TTN: variants seen among roughly 807,000 people sequenced by gnomAD.
TTN encodes titin.
In TTN, 1,525 loss-of-function variants were observed where a neutral mutation model predicts 3,223.0. That is an observed-to-expected ratio of 0.47 (90% CI 0.45 to 0.49). The LOEUF is 0.49. Ranked by LOEUF, TTN falls within the 20% of genes least tolerant of loss-of-function variation. The pLI is 0.00. For synonymous variants in TTN, 14,094 were observed against 15,161.0 expected (o/e 0.93, Z 5.17); for missense variants, 40,786 against 43,424.0 (o/e 0.94, Z 5.40).
intron 4 of TTN, among the ~76,000 whole-genome samples, 160 bp from the exon 5 acceptor site, chr2:178,800,070 A>C (rs1561508219): frequency 1.3e-5 from 2 of 152,244 alleles, no homozygotes; most frequent in Admixed American, 6.5e-5. Context: ...AATTAGGTTT[A>C]AAAATAGAAA....
At position 178,735,497 on chromosome 2, in the gene TTN, C is replaced by G; in HGVS notation, c.14935+14G>C. On this transcript the variant is annotated intron_variant, in intron 50 of 362. Coordinates refer to ENST00000589042, the MANE Select transcript of TTN (RefSeq NM_001267550.2). ...CAGAGAAGGGACTAGAAAATACATT[C>G]ACACGTTTCTTACCTCTGACAGTGA... The G allele has an allele frequency of 6.5e-7, 1 of 1,540,836 alleles. No homozygotes were observed. Among genetic ancestry groups the G allele is most frequent in the Non-Finnish European group, 8.7e-7 (1 of 1,149,920 alleles).
At chr2:178,761,905 T>G (rs2089301229) in intron 43 of TTN, among the ~76,000 whole-genome samples, 1 of 152,252 alleles carries the variant, frequency 6.6e-6, no homozygotes, top group Non-Finnish European at 1.5e-5. Flanking sequence ...TGACTCATCA[T>G]CTGTAGAATA....
intron 157 of TTN, 131 bp from the exon 158 acceptor site, chr2:178,669,806 T>G: frequency 3.6e-6 from 3 of 834,878 alleles, no homozygotes; most frequent in Non-Finnish European, 5.8e-6. Context: ...ATAAGTCAAA[T>G]GTAGTCATTG....
At chr2:178,643,001 C>T (rs2061441358) in intron 218 of TTN, among the ~76,000 whole-genome samples, 1 of 151,988 alleles carries the variant, frequency 6.6e-6, no homozygotes, top group Admixed American at 6.6e-5. Context: ...CCTGTTGCGT[C>T]TACAGTGAAT....
intron 46 of TTN, chr2:178,753,388 T>G (rs2086115057): frequency 2.2e-6 from 1 of 447,076 alleles, no homozygotes; most frequent in Non-Finnish European, 4.0e-6. Flanking sequence ...AACATTTTTA[T>G]TTTAGGTTCT....
In TTN at chr2:178,545,605, A is replaced by G. The variant is rs955162209; in HGVS notation, c.95505T>C (p.Gly31835=). 2 of 1,613,734 alleles carry G rather than the reference A, an allele frequency of 1.2e-6. No individual in the cohort carries two copies. Among genetic ancestry groups the G allele is most frequent in the Middle Eastern group, 3.3e-4 (2 of 6,058 alleles). ...IIQWTKPESD[G]GNEISNYLVD... is the part of the protein sequence containing the mutation. ...CTAGGTAGTTGCTGATTTCATTGCC[A>G]CCATCAGATTCAGGTTTTGTCCACT... Residue 31835 remains glycine, a synonymous_variant, in exon 344 of 363, where the codon GGT becomes GGC. Coordinates refer to ENST00000589042, the MANE Select transcript of TTN (RefSeq NM_001267550.2).
chr2:178,744,998 G>C (rs2083211550), intron 47 of TTN: 1 of 985,534 alleles, frequency 1.0e-6, no homozygotes, highest in Non-Finnish European at 1.2e-6. Flanking sequence ...AAGAGATGAA[G>C]TTAATATATT....
rs727504190 is a variant in TTN, at chr2:178,582,333, T to A, written c.66123A>T (p.Pro22041=). Residue 22041 remains proline (P), a synonymous_variant, in exon 314 of 363, where the codon CCA becomes CCT. Coordinates refer to ENST00000589042, the MANE Select transcript of TTN (RefSeq NM_001267550.2). ...CAENKYGVGD[P]VFTEPAIAKN... ...TGGCAATTGCTGGTTCAGTGAAGAC[T>A]GGATCGCCTACTCCATATTTATTTT... 1 of 1,603,168 alleles carries A rather than the reference T, an allele frequency of 6.2e-7. No homozygotes were observed. The highest frequency in any genetic ancestry group is 2.2e-5 in the East Asian group (1 of 44,576).
chr2:178,719,007 GAAGA>G (rs765429631), intron 83 of TTN, 34 bp from the exon 84 acceptor site: 31 of 1,539,952 alleles, frequency 2.0e-5, no homozygotes, highest in East Asian at 1.1e-4. Context: ...GAGATAAAGA[GAAGA>G]AAGAAATCCA....
At position 178,665,806 on chromosome 2, in the gene TTN, A is replaced by C; in HGVS notation, c.35876-15T>G. The C allele has an allele frequency of 8.0e-7, 1 of 1,248,424 alleles. No individual in the cohort carries two copies. Among genetic ancestry groups the C allele is most frequent in the Non-Finnish European group, 1.0e-6 (1 of 987,908 alleles). 77.3% of individuals were successfully genotyped at this position (1,248,424 alleles called of 1,614,324 possible). On this transcript the variant is annotated splice_polypyrimidine_tract_variant and intron_variant, in intron 163 of 362. Transcript: ENST00000589042. The stretch of plus-strand genomic sequence containing the variant: ...TGATTCAGGCACTTTAAAGATATGA[A>C]TGCATTGTACTTTGGAGTTATGAAG...
In TTN at chr2:178,564,252, C is replaced by T; in HGVS notation, c.81880G>A (p.Val27294Ile). 2 of 1,613,262 alleles carry T rather than the reference C, an allele frequency of 1.2e-6. No individual in the cohort carries two copies. Among genetic ancestry groups the T allele is most frequent in the South Asian group, 1.1e-5 (1 of 91,082 alleles). Reference protein sequence around the residue: ...VIVVHAGETFVLEADIRGKPI... With the variant: ...VIVVHAGETFILEADIRGKPI... ...TTGCCACGGATGTCGGCTTCAAGAA[C>T]AAAAGTCTCTCCTGCATGAACAACG... Residue 27294 changes from valine to isoleucine, a missense_variant, in exon 326 of 363, where the codon GTT (valine) becomes ATT (isoleucine). Transcript: ENST00000589042.
At chr2:178,753,274 A>C in intron 46 of TTN, 94 bp from the exon 47 acceptor site, 1 of 1,055,530 alleles carries the variant, frequency 9.5e-7, no homozygotes, top group Non-Finnish European at 1.4e-6. Flanking sequence ...TTTTCTTTTT[A>C]TTATAACAAC....
rs760971514 is a variant in TTN at position 178,537,145 on chromosome 2, A to C, written c.99964T>G (p.Trp33322Gly). ...TTTTCCACCACATAGTTGGTGATCC[A>C]GGAGCCTCCGTCATCTGCGGGTGGT... ...WKPPADDGGS[W>G]ITNYVVEKCE... Residue 33322 changes from tryptophan (W) to glycine (G), a missense_variant, in exon 356 of 363, where the codon TGG (tryptophan) becomes GGG (glycine). By Grantham distance (184) the Trp-to-Gly change is radical. Coordinates refer to ENST00000589042, the MANE Select transcript of TTN (RefSeq NM_001267550.2). 2 of 1,613,606 alleles carry C rather than the reference A, an allele frequency of 1.2e-6. No individual in the cohort carries two copies. The highest frequency in any genetic ancestry group is 2.2e-5 in the South Asian group (2 of 91,044).
At chr2:178,619,967 G>A (rs756691628) in intron 249 of TTN, 21 bp downstream of exon 249, 20 of 1,600,954 alleles carry the variant, frequency 1.2e-5, no homozygotes, top group Non-Finnish European at 1.7e-5. Flanking sequence ...CATTAGAATT[G>A]TTTTTTCACT....
In TTN at chr2:178,571,197, ATTCAACACCTTC is replaced by A; in HGVS notation, c.74923_74934del (p.Glu24975_Glu24978del). On this transcript the variant is annotated inframe_deletion, in exon 326 of 363. Transcript: ENST00000589042. ...TTCTCTGCAGAGACTCTAAATTCATATTCAACACCTTCTTCAAGGCCAGTTGTCTTAAACTTG... is the reference window on the plus strand; with the variant it reads ...TTCTCTGCAGAGACTCTAAATTCATATTCAAGGCCAGTTGTCTTAAACTTG... 1 of 1,613,546 alleles carries A rather than the reference ATTCAACACCTTC, an allele frequency of 6.2e-7. No individual in the cohort carries two copies. The highest frequency in any genetic ancestry group is 8.5e-7 in the Non-Finnish European group (1 of 1,179,632).
chr2:178,547,243 G>A lies in TTN; in HGVS notation c.94282C>T (p.Arg31428Cys), dbSNP rs190282707. 17 of 1,613,764 alleles carry A rather than the reference G, an allele frequency of 1.1e-5. No individual in the cohort carries two copies. In the East Asian group the frequency reaches 2.5e-4, roughly 23 times the overall value. Residue 31428 changes from arginine to cysteine, a missense_variant, in exon 340 of 363, where the codon CGT becomes TGT. By Grantham distance (180) the Arg-to-Cys change is radical. Coordinates refer to ENST00000589042, the MANE Select transcript of TTN (RefSeq NM_001267550.2). Reference protein sequence around the residue: ...YHVSANAMSIRWEEPYHDGGS... With the variant: ...YHVSANAMSICWEEPYHDGGS... ...CCATCGTGGTAGGGTTCTTCCCAACGAATAGACATGGCATTGGCAGACACA... is the reference window on the plus strand; with the variant it reads ...CCATCGTGGTAGGGTTCTTCCCAACAAATAGACATGGCATTGGCAGACACA...
chr2:178,587,684 G>A lies in TTN; in HGVS notation c.63625C>T (p.Arg21209Ter), dbSNP rs794729279. 2 of 1,612,820 alleles carry A rather than the reference G, an allele frequency of 1.2e-6. No homozygotes were observed. Among genetic ancestry groups the A allele is most frequent in the South Asian group, 2.2e-5 (2 of 91,040 alleles). Residue 21209 changes from arginine to a stop codon, truncating the protein, a stop_gained, in exon 306 of 363, where the codon CGA (arginine) becomes TGA (stop). Coordinates refer to ENST00000589042, the MANE Select transcript of TTN (RefSeq NM_001267550.2). LOFTEE classifies it high-confidence loss of function. ...ACCACATTATCAATGCCAACTTTTCGCCAAGTGACTTTAGGGGCTGGTCGT... is the reference window on the plus strand; with the variant it reads ...ACCACATTATCAATGCCAACTTTTCACCAAGTGACTTTAGGGGCTGGTCGT... ...RGRPAPKVTWRKVGIDNVVRK... is the reference protein window; with the variant it reads ...RGRPAPKVTW
Position 178,653,341 on chromosome 2 carries a change from G to T in TTN, c.38708-20C>A. ...CTGGCACTTAAAAGATATTAGTAAAGTTACATGTAGAGCTATGGAGACTAC... is the reference window on the plus strand; with the variant it reads ...CTGGCACTTAAAAGATATTAGTAAATTTACATGTAGAGCTATGGAGACTAC... On this transcript the variant is annotated intron_variant, in intron 197 of 362. Transcript: ENST00000589042. 1 of 1,611,194 alleles carries T rather than the reference G, an allele frequency of 6.2e-7. No individual in the cohort carries two copies. Among genetic ancestry groups the T allele is most frequent in the Non-Finnish European group, 8.5e-7 (1 of 1,179,454 alleles).
At position 178,720,159 on chromosome 2, in the gene TTN, C is replaced by A. The variant is rs750697689; in HGVS notation, c.23483G>T (p.Trp7828Leu). The change falls in exon 81 of 363, where the codon TGG (tryptophan) becomes TTG (leucine). Residue 7828 changes from tryptophan to leucine, a missense_variant. Trp to Leu is a moderately conservative substitution (Grantham distance 61). Coordinates refer to ENST00000589042, the MANE Select transcript of TTN (RefSeq NM_001267550.2). ...VEGFQPISVVWLKDRGEVIRE... is the reference protein window; with the variant it reads ...VEGFQPISVVLLKDRGEVIRE... Reference sequence around the variant, plus strand: ...GATGACTTCACCTCTATCTTTCAGCCAGACAACAGAAATTGGCTGGAAGCC... The same window carrying A: ...GATGACTTCACCTCTATCTTTCAGCAAGACAACAGAAATTGGCTGGAAGCC... The A allele has an allele frequency of 1.2e-6, 2 of 1,613,746 alleles. No homozygotes were observed. The highest frequency in any genetic ancestry group is 2.2e-5 in the East Asian group (1 of 44,864).
Sources: allele counts gnomAD v4.1 joint callset (sites outside exome capture counted in the v4.1 genomes callset), GRCh38; gene constraint gnomAD v4.1.1; transcripts MANE v1.5; gene names NCBI Gene and HGNC (gene_info 2026-07-23, HGNC 2026-07-21).